FRMD8: variants seen among roughly 807,000 people sequenced by gnomAD.
FRMD8 encodes the protein FERM domain containing 8, also known as FERM domain-containing protein 8.
Under a neutral mutation model 54.2 loss-of-function variants are expected in FRMD8, and 37 were observed. The observed-to-expected ratio is 0.68, with a 90% CI of 0.53 to 0.90. FRMD8 has a LOEUF of 0.90. Among genes scored for constraint, FRMD8 ranks in the 40% least tolerant of loss-of-function variants. FRMD8 has a pLI of 0.00. For synonymous variants in FRMD8, 246 were observed against 286.9 expected (o/e 0.86, Z 1.44); for missense variants, 585 against 653.7 (o/e 0.89, Z 1.15).
the FRMD8 span, among the ~76,000 whole-genome samples, chr11:65,369,861 C>T: frequency 3.3e-5 from 5 of 151,174 alleles, no homozygotes; most frequent in Admixed American, 2.6e-4. Context: ...GGAGAAATCC[C>T]GTCTCTACTA....
chr11:65,372,911 G>A, the FRMD8 span, among the ~76,000 whole-genome samples: 2 of 152,170 alleles, frequency 1.3e-5, no homozygotes, highest in South Asian at 2.1e-4. Flanking sequence ...AATCCCTGGC[G>A]CTGCGGTGGT....
the FRMD8 span, chr11:65,379,453 A>C: frequency 1.2e-6 from 2 of 1,614,046 alleles, no homozygotes. Flanking sequence ...TCCTGGTGGG[A>C]GGTGGCCGTG....
At chr11:65,379,747 G>A in the FRMD8 span, 1 of 1,386,154 alleles carries the variant, frequency 7.2e-7, no homozygotes, top group Non-Finnish European at 1.0e-6. Flanking sequence ...GCCCCCCAAG[G>A]ATCCCAGACT....
At chr11:65,369,309 GCA>G in the FRMD8 span, among the ~76,000 whole-genome samples, 367 of 152,092 alleles carry the variant, frequency 2.4e-3, no homozygotes, top group African/African-American at 8.5e-3. Context: ...GTGCGGCTGG[GCA>G]CAGTGTCTCA....
chr11:65,369,309 G>A, the FRMD8 span, among the ~76,000 whole-genome samples: 1 of 151,976 alleles, frequency 6.6e-6, no homozygotes, highest in Admixed American at 6.6e-5. Flanking sequence ...GTGCGGCTGG[G>A]CACAGTGTCT....
At chr11:65,372,868 C>G in the FRMD8 span, among the ~76,000 whole-genome samples, 2 of 152,206 alleles carry the variant, frequency 1.3e-5, no homozygotes, top group Non-Finnish European at 2.9e-5. Context: ...TGTTCTGACA[C>G]CTGCTGTACC....
At chr11:65,389,868 GGGT>G (rs1359901909) in intron 3 of FRMD8, among the ~76,000 whole-genome samples, 4 of 152,194 alleles carry the variant, frequency 2.6e-5, no homozygotes, top group Non-Finnish European at 4.4e-5. Flanking sequence ...GCCACAACCT[GGGT>G]GGTGTTTGGG....
the FRMD8 span, among the ~76,000 whole-genome samples, chr11:65,370,664 C>T: frequency 7.2e-5 from 11 of 151,850 alleles, no homozygotes; most frequent in Non-Finnish European, 1.2e-4. Context: ...CTTGCCACTG[C>T]ACTCCAGCCT....
chr11:65,398,994 G>T (rs1228356532), intron 7 of FRMD8, among the ~76,000 whole-genome samples: 1 of 99,918 alleles, frequency 1.0e-5, no homozygotes, highest in Non-Finnish European at 2.1e-5. Flanking sequence ...TCTTCTCAAT[G>T]TTTTTTTTTT....
rs1311400703 is a variant in FRMD8 at position 65,411,351 on chromosome 11, G to A, written c.1386G>A (p.Glu462=). The change falls in exon 11 of 11, where the codon GAG becomes GAA. Residue 462 remains glutamate, a synonymous_variant. Coordinates refer to ENST00000317568, the MANE Select transcript of FRMD8 (RefSeq NM_031904.5). ...TGGTGCAGCCCGGCGACAGCCTGGA[G>A]CAGGGCTGAGGACGCTGCACCCGGC... is the stretch of plus-strand genomic sequence containing the variant. ...YTVVQPGDSL[E]QG is the part of the protein sequence containing the mutation. The A allele has an allele frequency of 3.1e-6, 5 of 1,595,814 alleles. No individual in the cohort carries two copies. The highest frequency in any genetic ancestry group is 1.3e-5 in the African/African-American group (1 of 74,536).
chr11:65,382,998 T>TC (rs1314113739), upstream of FRMD8: 2 of 152,292 alleles, frequency 1.3e-5, no homozygotes. This position sits in a 1 kb window ranked among gnomAD's most constrained non-coding sequence, Gnocchi z 4.4. Flanking sequence ...CTCTGGGTGT[T>TC]CTGTGCACAG....
intron 10 of FRMD8, 41 bp downstream of exon 10, chr11:65,405,109 T>C: frequency 6.3e-7 from 1 of 1,584,480 alleles, no homozygotes; most frequent in Non-Finnish European, 8.7e-7. Context: ...CAAACACGCA[T>C]GCGCGTGCAC....
At chr11:65,402,409 T>C (rs1338591236) in intron 9 of FRMD8, among the ~76,000 whole-genome samples, 2 of 152,062 alleles carry the variant, frequency 1.3e-5, no homozygotes, top group Non-Finnish European at 2.9e-5. Context: ...TGAAAATCAA[T>C]TGGCTGTACA....
At chr11:65,386,278 G>A (rs937077122), upstream of FRMD8, among the ~76,000 whole-genome samples, 1 of 152,178 alleles carries the variant, frequency 6.6e-6, no homozygotes, top group Admixed American at 6.5e-5. Context: ...GGTACAGGCC[G>A]CTGCCAGCGC....
In FRMD8 at chr11:65,389,354, A is replaced by G. The variant is rs537169449; in HGVS notation, c.86-7A>G. The G allele has an allele frequency of 6.2e-7, 1 of 1,609,314 alleles. No individual in the cohort carries two copies. Among genetic ancestry groups the G allele is most frequent in the African/African-American group, 1.3e-5 (1 of 75,076 alleles). On this transcript the variant is annotated splice_polypyrimidine_tract_variant and splice_region_variant and intron_variant, in intron 2 of 10. Transcript: ENST00000317568. Reference sequence around the variant, plus strand: ...CCTCAGCTGAGCCTGCCTGGTCTCCATCACAGCGGCTGACGTGCTGGTATA... The same window carrying G: ...CCTCAGCTGAGCCTGCCTGGTCTCCGTCACAGCGGCTGACGTGCTGGTATA...
chr11:65,408,236 A>G (rs1161735909), intron 10 of FRMD8, among the ~76,000 whole-genome samples: 1 of 151,468 alleles, frequency 6.6e-6, no homozygotes, highest in Non-Finnish European at 1.5e-5. Flanking sequence ...CACCACGCCC[A>G]GCTAATTTTG....
intron 10 of FRMD8, among the ~76,000 whole-genome samples, chr11:65,406,197 T>A (rs1856193093): frequency 6.8e-6 from 1 of 147,574 alleles, no homozygotes. Context: ...CCGGCTAATT[T>A]TTTTTTTTTT....
chr11:65,379,989 AC>A, the FRMD8 span: 1 of 1,606,482 alleles, frequency 6.2e-7, no homozygotes, highest in Non-Finnish European at 8.5e-7. Flanking sequence ...AGGTGGGCCA[AC>A]CTTTCCCTCT....
chr11:65,386,797 C>A, intron 1 of FRMD8, 36 bp downstream of exon 1: 1 of 547,388 alleles, frequency 1.8e-6, no homozygotes, highest in South Asian at 2.4e-5. Flanking sequence ...GGGCCTCCGT[C>A]CCCGGCTGGG....
Sources: gnomAD v4.1 joint callset for allele counts (sites outside exome capture counted in the v4.1 genomes callset) on GRCh38, gnomAD v4.1.1 for gene constraint, Gnocchi (gnomAD v3.1) non-coding constraint, MANE v1.5 for transcripts, NCBI Gene and HGNC (gene_info 2026-07-23, HGNC 2026-07-21) for gene names.